DOK7: variants seen among roughly 807,000 people sequenced by gnomAD.
DOK7 encodes protein Dok-7.
DOK7 carries 32 observed loss-of-function variants against 30.7 expected under a neutral mutation model. The ratio of observed to expected loss-of-function variants is 1.04; its 90% CI spans 0.79 to 1.40. DOK7 has a LOEUF of 1.40. Among genes scored for constraint, DOK7 ranks in the 40% most tolerant of loss-of-function variants. The pLI is 0.00. For missense variants in DOK7, 1,007 were observed against 699.2 expected (o/e 1.44, Z -4.97); for synonymous variants, 447 against 324.1 (o/e 1.38, Z -4.07).
downstream of DOK7, among the ~76,000 whole-genome samples, chr4:3,498,529 C>T (rs1729034107): frequency 6.6e-6 from 1 of 152,168 alleles, no homozygotes; most frequent in African/African-American, 2.4e-5. Flanking sequence ...CGTGGGCAAG[C>T]CCCGGCCCTG....
intron 4 of DOK7, among the ~76,000 whole-genome samples, chr4:3,481,363 TG>T (rs1727433422): frequency 6.6e-6 from 1 of 151,500 alleles, no homozygotes; most frequent in Admixed American, 6.6e-5. Context: ...GCTGCCTGGT[TG>T]GGGGATGGGA....
At chr4:3,500,034 T>C (rs1729114458) in intron 6 of DOK7, among the ~76,000 whole-genome samples, 1 of 142,038 alleles carries the variant, frequency 7.0e-6, no homozygotes, top group African/African-American at 2.6e-5. Flanking sequence ...CTGTGGGTAC[T>C]TGGACCAGGA....
rs1728782159 is a variant in DOK7, at chr4:3,494,455, A to G, written c.*954A>G. 9 of 985,326 alleles carry G rather than the reference A, an allele frequency of 9.1e-6. No individual in the cohort carries two copies. The highest frequency in any genetic ancestry group is 1.1e-5 in the Non-Finnish European group (9 of 829,912). The allele number at this position is 985,326 out of a possible 1,614,324, so 61.0% of individuals were successfully genotyped here. A position where few individuals can be genotyped will look rare whatever the true frequency, so the allele number is the denominator to read the frequency against. ...TCTAAACCCAGACACTGTTTGTAAT[A>G]GACTGGAAATAAAATGTTCTTTCCT... On this transcript the variant is annotated 3_prime_UTR_variant, in exon 7 of 7. Transcript: ENST00000340083.
rs943363144 is a variant in DOK7 at position 3,493,628 on chromosome 4, A to C, written c.*127A>C. On this transcript the variant is annotated 3_prime_UTR_variant, in exon 7 of 7. Transcript: ENST00000340083. ...GTGGGAGGGACCGGGGGTCTCCCGG[A>C]GAGGGGAGCTGGAGGGCGCGCCCTG... The C allele has an allele frequency of 2.7e-6, 4 of 1,492,312 alleles. No homozygotes were observed. Among genetic ancestry groups the C allele is most frequent in the African/African-American group, 2.8e-5 (2 of 71,044 alleles). The allele number at this position is 1,492,312 out of a possible 1,614,324, so 92.4% of individuals were successfully genotyped here.
At chr4:3,500,178 C>T (rs1729120812) in intron 6 of DOK7, 1 of 1,500,120 alleles carries the variant, frequency 6.7e-7, no homozygotes, top group Non-Finnish European at 8.9e-7. Flanking sequence ...GTGGGCAGCT[C>T]TTTACTGCAC....
chr4:3,497,039 G>A (rs574268403), downstream of DOK7, among the ~76,000 whole-genome samples: 1 of 151,962 alleles, frequency 6.6e-6, no homozygotes, highest in African/African-American at 2.4e-5. Flanking sequence ...TGGATGTTGG[G>A]TGGCAGTGGG....
At position 3,473,618 on chromosome 4, in the gene DOK7, C is replaced by T. The variant is rs115883468; in HGVS notation, c.313C>T (p.Arg105Cys). The change falls in exon 3 of 7, where the codon CGC (arginine) becomes TGC (cysteine). Residue 105 changes from arginine (R) to cysteine (C), a missense_variant. Transcript: ENST00000340083. The part of the protein sequence containing the change: ...EAMCAWDARI[R>C]YALGEVHRFH... ...CATGTGTGCGTGGGATGCCCGGATC[C>T]GCTATGCGCTCGGCGAGGGTGAGTG... The T allele has an allele frequency of 6.9e-5, 110 of 1,584,198 alleles. No individual in the cohort carries two copies. In the African/African-American group the frequency reaches 9.0e-4, roughly 13 times the overall value.
At chr4:3,488,386 G>T (rs932567259) in intron 5 of DOK7, among the ~76,000 whole-genome samples, 5 of 152,220 alleles carry the variant, frequency 3.3e-5, no homozygotes, top group Admixed American at 3.3e-4. Context: ...TGGGCTGAAG[G>T]CATCAGCAGA....
At chr4:3,482,434 C>G (rs1727490249) in intron 4 of DOK7, among the ~76,000 whole-genome samples, 1 of 152,242 alleles carries the variant, frequency 6.6e-6, no homozygotes, top group African/African-American at 2.4e-5. Context: ...CGATAGGACA[C>G]CTTGGGCTTC....
At chr4:3,469,083 CAT>C (rs553119722) in intron 2 of DOK7, among the ~76,000 whole-genome samples, 2,636 of 131,058 alleles carry the variant, frequency 0.02, 54 homozygotes, top group African/African-American at 0.065. Context: ...CCTGAGTGTA[CAT>C]GTGTGTGCCT....
intron 4 of DOK7, among the ~76,000 whole-genome samples, chr4:3,481,093 G>T (rs147922268): frequency 0.014 from 2,103 of 152,210 alleles, 25 homozygotes; most frequent in Middle Eastern, 0.065. Flanking sequence ...GCCCTGTTGG[G>T]GGGGATAGGA....
chr4:3,492,827 C>G lies in DOK7; in HGVS notation c.841C>G (p.Leu281Val), dbSNP rs761609438. The change falls in exon 7 of 7, where the codon CTC becomes GTC. Residue 281 changes from leucine (L) to valine (V), a missense_variant. By Grantham distance (32) the Leu-to-Val change is conservative. Coordinates refer to ENST00000340083, the MANE Select transcript of DOK7 (RefSeq NM_173660.5). ...SHLDVSASSR[L>V]TAWPEQSSSS... is the part of the protein sequence containing the mutation. ...CTTGGACGTCAGCGCCAGCAGCCGG[C>G]TCACCGCATGGCCAGAGCAATCCTC... The G allele has an allele frequency of 1.8e-5, 29 of 1,612,458 alleles. No homozygotes were observed. Among genetic ancestry groups the G allele is most frequent in the African/African-American group, 5.3e-5 (4 of 74,930 alleles).
downstream of DOK7, among the ~76,000 whole-genome samples, chr4:3,496,246 G>A (rs1338250041): frequency 2.6e-5 from 4 of 152,224 alleles, no homozygotes. Context: ...CCACTTCAGA[G>A]GCCCAGGAGA....
At chr4:3,492,600 G>T (rs1212353491) in intron 6 of DOK7, among the ~76,000 whole-genome samples, 159 bp from the exon 7 acceptor site, 2 of 152,090 alleles carry the variant, frequency 1.3e-5, no homozygotes, top group South Asian at 2.1e-4. Context: ...GTTGTTGTTG[G>T]TGAAGCCAGG....
chr4:3,494,077 C>G lies in DOK7; in HGVS notation c.*576C>G. 1.0e-6 allele frequency: 1 copy of G among 986,794 alleles called. No homozygotes were observed. Among genetic ancestry groups the G allele is most frequent in the Non-Finnish European group, 1.2e-6 (1 of 830,972 alleles). The allele number at this position is 986,794 out of a possible 1,614,324, so 61.1% of individuals were successfully genotyped here. A position where few individuals can be genotyped will look rare whatever the true frequency, so the allele number is the denominator to read the frequency against. On this transcript the variant is annotated 3_prime_UTR_variant, in exon 7 of 7. Coordinates refer to ENST00000340083, the MANE Select transcript of DOK7 (RefSeq NM_173660.5). ...CAGGAGGCTGTGTGGCTTGCGGGGT[C>G]TCTGGGTTCTGGGCCCCACTGTTCC...
intron 2 of DOK7, among the ~76,000 whole-genome samples, chr4:3,471,176 G>A (rs142605115): frequency 4.7e-4 from 71 of 152,354 alleles, no homozygotes; most frequent in African/African-American, 1.6e-3. Flanking sequence ...AGCTGGTAAC[G>A]CAGACAGATG....
intron 4 of DOK7, among the ~76,000 whole-genome samples, chr4:3,480,674 C>T (rs1278671892): frequency 6.6e-6 from 1 of 152,214 alleles, no homozygotes; most frequent in Non-Finnish European, 1.5e-5. Context: ...GCGGCATCTG[C>T]CCAGCTCTGG....
At chr4:3,469,080 G>A (rs1211498937) in intron 2 of DOK7, among the ~76,000 whole-genome samples, 1 of 148,660 alleles carries the variant, frequency 6.7e-6, no homozygotes, top group African/African-American at 2.5e-5. Context: ...GTGCCTGAGT[G>A]TACATGTGTG....
intron 2 of DOK7, among the ~76,000 whole-genome samples, chr4:3,467,910 C>A (rs75709916): frequency 1.3e-5 from 2 of 152,188 alleles, no homozygotes; most frequent in Middle Eastern, 3.4e-3. Flanking sequence ...GCCCTGGGGC[C>A]CCCTCATCAG....
Sources: allele counts gnomAD v4.1 joint callset (sites outside exome capture counted in the v4.1 genomes callset), GRCh38; gene constraint gnomAD v4.1.1; transcripts MANE v1.5; gene names NCBI Gene and HGNC (gene_info 2026-07-23, HGNC 2026-07-21).